The following PRDM11 variants were observed in gnomAD, a reference collection of about 807,000 sequenced individuals.
The protein encoded by PRDM11 is PR domain-containing protein 11.
Under a neutral mutation model 97.8 loss-of-function variants are expected in PRDM11, and 20 were observed. The observed-to-expected ratio is 0.20, with a 90% CI of 0.14 to 0.30. The LOEUF (loss-of-function observed/expected upper bound fraction) is 0.30, where lower values mean the gene tolerates loss of function less well. Ranked by LOEUF, PRDM11 falls within the 10% of genes least tolerant of loss-of-function variation. The pLI is 1.00. For missense variants in PRDM11, 1,139 were observed against 1,555.2 expected (o/e 0.73, Z 4.50); for synonymous variants, 599 against 637.7 (o/e 0.94, Z 0.91).
chr11:45,158,254 T>A (rs920006378), intron 1 of PRDM11, among the ~76,000 whole-genome samples: 3 of 152,176 alleles, frequency 2.0e-5, no homozygotes, highest in African/African-American at 7.2e-5. Flanking sequence ...TGGGCCTGCA[T>A]GTGGCCACAA....
At chr11:45,128,698 T>C (rs1464112365) in intron 1 of PRDM11, among the ~76,000 whole-genome samples, 1 of 152,190 alleles carries the variant, frequency 6.6e-6, no homozygotes, top group East Asian at 1.9e-4. Flanking sequence ...CAGGGCCAGA[T>C]AGCTTCACTG....
In PRDM11 at chr11:45,215,371, C is replaced by T. The variant is rs536100652; in HGVS notation, c.555-4199C>T. Among the ~76,000 whole-genome samples the T allele has an allele frequency of 1.2e-4, 19 of 152,350 alleles. No individual in the cohort carries two copies. In the East Asian group the frequency reaches 3.1e-3, roughly 25 times the overall value. The stretch of plus-strand genomic sequence containing the variant: ...TTTCTAGAAGGTTCTAACTTGCCAT[C>T]CTCCACAGTTCTTGGCCAAAAAGCA... On this transcript the variant is annotated intron_variant, in intron 5 of 7. Transcript: ENST00000683152.
chr11:45,113,807 TG>T (rs1852238331), intron 1 of PRDM11, among the ~76,000 whole-genome samples: 2 of 139,578 alleles, frequency 1.4e-5, no homozygotes, highest in South Asian at 2.2e-4. Context: ...TGTGTGTGTG[TG>T]TGTGTGTGTG....
chr11:45,195,308 T>G (rs780864968), intron 4 of PRDM11, among the ~76,000 whole-genome samples: 10 of 152,192 alleles, frequency 6.6e-5, no homozygotes, highest in Non-Finnish European at 1.5e-4. Flanking sequence ...ATCATCACAG[T>G]CGGTTTCATC....
At chr11:45,141,375 G>A (rs753401154) in intron 1 of PRDM11, among the ~76,000 whole-genome samples, 6 of 152,210 alleles carry the variant, frequency 3.9e-5, no homozygotes, top group Non-Finnish European at 7.3e-5. Flanking sequence ...GTGATGTCAT[G>A]TCACTTCTGA....
At chr11:45,110,879 C>T (rs1011959027) in intron 1 of PRDM11, among the ~76,000 whole-genome samples, 1 of 152,180 alleles carries the variant, frequency 6.6e-6, no homozygotes, top group Non-Finnish European at 1.5e-5. Flanking sequence ...TGGCAGAAAA[C>T]TTGGAGAAGA....
intron 1 of PRDM11, among the ~76,000 whole-genome samples, chr11:45,113,820 G>T (rs199998922): frequency 1.8e-5 from 1 of 54,064 alleles, no homozygotes. Flanking sequence ...GTGTGTGTGT[G>T]TGTGTTTTGT....
chr11:45,225,701 TA>T (rs1832197170), intron 7 of PRDM11, among the ~76,000 whole-genome samples: 2 of 152,208 alleles, frequency 1.3e-5, no homozygotes, highest in Non-Finnish European at 2.9e-5. Context: ...GTCCAGTTGA[TA>T]GGGGGCATTT....
intron 4 of PRDM11, among the ~76,000 whole-genome samples, chr11:45,191,634 C>T (rs1852916186): frequency 6.6e-6 from 1 of 152,056 alleles, no homozygotes; most frequent in African/African-American, 2.4e-5. Flanking sequence ...GACACATCCC[C>T]ATCATTATTT....
At chr11:45,194,638 G>A (rs56210408) in intron 4 of PRDM11, among the ~76,000 whole-genome samples, 13 of 115,006 alleles carry the variant, frequency 1.1e-4, no homozygotes, top group South Asian at 6.6e-4. Context: ...TCGCTCTGTC[G>A]CCCAGGCTGG....
At chr11:45,139,720 T>A (rs539656350) in intron 1 of PRDM11, among the ~76,000 whole-genome samples, 1 of 152,300 alleles carries the variant, frequency 6.6e-6, no homozygotes, top group South Asian at 2.1e-4. Flanking sequence ...CGTATTTTTA[T>A]GATAAAAAAT....
chr11:45,163,377 C>G (rs1052845380), intron 1 of PRDM11, among the ~76,000 whole-genome samples: 4 of 152,234 alleles, frequency 2.6e-5, no homozygotes, highest in Non-Finnish European at 4.4e-5. Context: ...CAAGGTCCCA[C>G]AGGCATGGAG....
upstream of PRDM11, among the ~76,000 whole-genome samples, chr11:45,094,876 AAG>A (rs1851866349): frequency 7.6e-6 from 1 of 131,776 alleles, no homozygotes; most frequent in Admixed American, 7.7e-5. Context: ...GAAGGGAAGG[AAG>A]AGAGGAGGGA....
chr11:45,166,298 C>T (rs1410435745), intron 1 of PRDM11, among the ~76,000 whole-genome samples: 1 of 152,190 alleles, frequency 6.6e-6, no homozygotes, highest in Admixed American at 6.5e-5. Flanking sequence ...TGTGCCCCTG[C>T]CCACAGCAGA....
chr11:45,119,356 G>A (rs1414109279), intron 1 of PRDM11, among the ~76,000 whole-genome samples: 1 of 152,048 alleles, frequency 6.6e-6, no homozygotes, highest in Non-Finnish European at 1.5e-5. Context: ...GGCCGGGCGC[G>A]GTGGCTCACG....
intron 1 of PRDM11, among the ~76,000 whole-genome samples, chr11:45,113,922 C>T (rs1248813591): frequency 6.7e-6 from 1 of 149,250 alleles, no homozygotes; most frequent in Non-Finnish European, 1.5e-5. Flanking sequence ...TTGGATAAGT[C>T]TTTAGAGTTT....
At position 45,123,777 on chromosome 11, in the gene PRDM11, G is replaced by A. The variant is rs1423368861; in HGVS notation, c.96+27876G>A. 7.8e-4 allele frequency among the ~76,000 whole-genome samples: 119 copies of A among 152,058 alleles called. 1 individual carries two copies. In the Middle Eastern group the frequency reaches 0.021, roughly 26 times the overall value. ...GTAGTATAGTTTGAAGTCAGGTAGC[G>A]TGATGCCTCCGGCTTTGTTCTTTTG... On this transcript the variant is annotated intron_variant, in intron 1 of 6. Transcript: ENST00000530656.
intron 4 of PRDM11, among the ~76,000 whole-genome samples, chr11:45,194,146 C>T (rs2135767805): frequency 6.6e-6 from 1 of 152,260 alleles, no homozygotes; most frequent in East Asian, 1.9e-4. Flanking sequence ...GAGCTGGGGC[C>T]AGGGATTCAA....
intron 1 of PRDM11, among the ~76,000 whole-genome samples, chr11:45,162,992 G>T (rs1590394980): frequency 1.3e-5 from 2 of 152,354 alleles, no homozygotes; most frequent in East Asian, 3.9e-4. Flanking sequence ...TGAGCTCAGG[G>T]CTTGGGCCCT....
Sources: allele counts gnomAD v4.1 joint callset (sites outside exome capture counted in the v4.1 genomes callset), GRCh38; gene constraint gnomAD v4.1.1; transcripts MANE v1.5; gene names NCBI Gene and HGNC (gene_info 2026-07-23, HGNC 2026-07-21).